Variants in ST6GAL2 observed in about 807,000 individuals in gnomAD.
ST6GAL2 encodes the protein beta-galactoside alpha-2,6-sialyltransferase 2.
In ST6GAL2, 24 loss-of-function variants were observed where a neutral mutation model predicts 37.5. That is an observed-to-expected ratio of 0.64 (90% CI 0.46 to 0.90). The LOEUF (loss-of-function observed/expected upper bound fraction) is 0.90. Among genes scored for constraint, ST6GAL2 ranks in the 40% least tolerant of loss-of-function variants. ST6GAL2 has a pLI of 0.00. For synonymous variants in ST6GAL2, 306 were observed against 295.1 expected, an observed-to-expected ratio of 1.04 and a Z score of -0.38; for missense variants, 715 against 712.7, an observed-to-expected ratio of 1.00 and a Z score of -0.04.
At chr2:106,835,063 G>C (rs922060530) in intron 2 of ST6GAL2, 2 of 152,210 alleles carry the variant, frequency 1.3e-5, no homozygotes, top group Admixed American at 1.3e-4. Flanking sequence ...TTGGGACTAG[G>C]GGATATGTTC....
chr2:106,821,738 T>C (rs185943979), intron 5 of ST6GAL2, among the ~76,000 whole-genome samples: 3 of 152,038 alleles, frequency 2.0e-5, no homozygotes, highest in Non-Finnish European at 4.4e-5. Flanking sequence ...ATATCTTTGA[T>C]GAATATTGAT....
intron 1 of ST6GAL2, among the ~76,000 whole-genome samples, chr2:106,848,879 A>G (rs1227016954): frequency 6.6e-6 from 1 of 152,216 alleles, no homozygotes; most frequent in Non-Finnish European, 1.5e-5. Context: ...AAGACCAAGC[A>G]GCGCCAGAGA....
At chr2:106,830,429 G>A (rs991483140) in intron 4 of ST6GAL2, among the ~76,000 whole-genome samples, 189 bp from the exon 5 acceptor site, 3 of 152,168 alleles carry the variant, frequency 2.0e-5, no homozygotes, top group Admixed American at 6.5e-5. Flanking sequence ...AGACCAGGGC[G>A]CTAGCCCTAG....
intron 5 of ST6GAL2, among the ~76,000 whole-genome samples, chr2:106,823,482 CACACAGAG>C (rs1429487762): frequency 1.0e-4 from 10 of 95,460 alleles, no homozygotes; most frequent in Admixed American, 4.4e-4. Context: ...CACACACACA[CACACAGAG>C]AGAGAGAGAG....
In ST6GAL2 at chr2:106,830,183, T is replaced by G. The variant is rs370374528; in HGVS notation, c.1201A>C (p.Asn401His). ...FTPYIQHRQRNPNQPFYILHP... is the reference protein window; with the variant it reads ...FTPYIQHRQRHPNQPFYILHP... ...AGAATGTAAAATGGCTGATTTGGGT[T>G]TCTCTGACGATGCTGAATATATGGA... The change falls in exon 5 of 6, where the codon AAC becomes CAC. Residue 401 changes from asparagine (N) to histidine (H), a missense_variant. Transcript: ENST00000409382. 27 of 1,613,956 alleles carry G rather than the reference T, an allele frequency of 1.7e-5. No homozygotes were observed. Among genetic ancestry groups the G allele is most frequent in the Non-Finnish European group, 2.1e-5 (25 of 1,180,018 alleles).
intron 5 of ST6GAL2, among the ~76,000 whole-genome samples, chr2:106,823,470 CACACACACACACACACAGAG>C (rs1558682928): frequency 2.8e-5 from 3 of 106,788 alleles, no homozygotes. Context: ...CACACACACA[CACACACACACACACACAGAG>C]AGAGAGAGAG....
chr2:106,843,412 CCCT>C lies in ST6GAL2; in HGVS notation c.563_565del (p.Glu188del). ...GGAGTACAGCCTGTCGCCGTCGTCG[CCCT>C]CCTCCAACACGTGGCTCCTTCTCTG... On this transcript the variant is annotated inframe_deletion, in exon 2 of 6. Coordinates refer to ENST00000409382, the MANE Select transcript of ST6GAL2 (RefSeq NM_001142351.2). 1 of 1,614,130 alleles carries C rather than the reference CCCT, an allele frequency of 6.2e-7. No individual in the cohort carries two copies. The highest frequency in any genetic ancestry group is 8.5e-7 in the Non-Finnish European group (1 of 1,180,012).
chr2:106,823,642 A>T (rs1246388914), intron 5 of ST6GAL2, among the ~76,000 whole-genome samples: 1 of 152,208 alleles, frequency 6.6e-6, no homozygotes, highest in Non-Finnish European at 1.5e-5. Context: ...GCTTTTTGAG[A>T]GGAAGGTGTT....
chr2:106,844,899 T>G (rs1322803918), intron 1 of ST6GAL2, among the ~76,000 whole-genome samples: 2 of 152,174 alleles, frequency 1.3e-5, no homozygotes, highest in Admixed American at 1.3e-4. Context: ...AACTAATATG[T>G]ATTGCTGTGT....
At chr2:106,832,409 C>T (rs1676458003) in intron 4 of ST6GAL2, among the ~76,000 whole-genome samples, 156 bp downstream of exon 4, 1 of 152,220 alleles carries the variant, frequency 6.6e-6, no homozygotes, top group South Asian at 2.1e-4. Flanking sequence ...GCTATTGTAA[C>T]TGGGTATCAA....
chr2:106,878,487 C>G (rs1284626478), intron 1 of ST6GAL2, among the ~76,000 whole-genome samples: 2 of 151,820 alleles, frequency 1.3e-5, no homozygotes, highest in Non-Finnish European at 1.5e-5. Context: ...CCAGGCTGAG[C>G]GTGGTGGCAT....
intron 1 of ST6GAL2, among the ~76,000 whole-genome samples, chr2:106,868,014 C>T (rs1049217649): frequency 6.6e-6 from 1 of 152,130 alleles, no homozygotes; most frequent in Non-Finnish European, 1.5e-5. Context: ...AAACAAAACC[C>T]TATGCCACTT....
intron 1 of ST6GAL2, 29 bp downstream of exon 1, chr2:106,886,064 G>T (rs1046504636): frequency 1.3e-5 from 2 of 152,474 alleles, no homozygotes; most frequent in African/African-American, 2.4e-5. Context: ...GAAAGGCGTC[G>T]CCAACCCTTA....
chr2:106,857,184 G>A lies in ST6GAL2; in HGVS notation c.-57-13150C>T, dbSNP rs182467620. ...TCAAAGAAAATGCCAAGTTGCTAAGGACCTAACATCTTGCTTTTTATGATG... is the reference window on the plus strand; with the variant it reads ...TCAAAGAAAATGCCAAGTTGCTAAGAACCTAACATCTTGCTTTTTATGATG... On this transcript the variant is annotated intron_variant, in intron 1 of 5. Transcript: ENST00000409382. Among the ~76,000 whole-genome samples the A allele has an allele frequency of 3.5e-3, 538 of 152,322 alleles. 4 individuals are homozygous for A. The highest frequency in any genetic ancestry group is 5.8e-3 in the Non-Finnish European group (396 of 68,032).
intron 5 of ST6GAL2, among the ~76,000 whole-genome samples, chr2:106,826,029 C>A (rs1676187884): frequency 6.6e-6 from 1 of 152,138 alleles, no homozygotes; most frequent in African/African-American, 2.4e-5. Flanking sequence ...AATCTCCATA[C>A]AAAGAAATGT....
intron 5 of ST6GAL2, among the ~76,000 whole-genome samples, chr2:106,815,603 G>A (rs868439497): frequency 1.3e-5 from 2 of 152,260 alleles, no homozygotes; most frequent in South Asian, 2.1e-4. Flanking sequence ...CAGATGACAC[G>A]CATTACAATA....
chr2:106,836,508 C>T (rs1676643841), intron 2 of ST6GAL2, among the ~76,000 whole-genome samples: 1 of 151,958 alleles, frequency 6.6e-6, no homozygotes, highest in African/African-American at 2.4e-5. Context: ...TTCACTCACG[C>T]ATAATTGTAT....
At position 106,843,293 on chromosome 2, in the gene ST6GAL2, G is replaced by C. The variant is rs1277277487; in HGVS notation, c.685C>G (p.Leu229Val). Residue 229 changes from leucine to valine, a missense_variant, in exon 2 of 6, where the codon CTG becomes GTG. By Grantham distance (32) the Leu-to-Val change is conservative. This residue lies in a region of ST6GAL2 where 512 missense variants were observed against 488.8 expected (regional missense o/e 1.05). Transcript: ENST00000409382. Reference protein sequence around the residue: ...PRLQKAMKDYLTANKHGVRFR... With the variant: ...PRLQKAMKDYVTANKHGVRFR... ...CGCACCCCGTGCTTGTTGGCGGTCA[G>C]GTAATCCTTCATCGCCTTCTGCAGG... is the stretch of plus-strand genomic sequence containing the variant. 1 of 1,612,664 alleles carries C rather than the reference G, an allele frequency of 6.2e-7. No homozygotes were observed.
chr2:106,836,944 CAAA>C (rs10700905), intron 2 of ST6GAL2, among the ~76,000 whole-genome samples: 4 of 85,708 alleles, frequency 4.7e-5, no homozygotes, highest in Admixed American at 1.4e-4. Context: ...AATTCCATCT[CAAA>C]AAAAAAAAAA....
Sources: allele counts gnomAD v4.1 joint callset (sites outside exome capture counted in the v4.1 genomes callset), GRCh38; gene constraint gnomAD v4.1.1; regional missense constraint gnomAD v4.1.1; transcripts MANE v1.5; gene names NCBI Gene and HGNC (gene_info 2026-07-23, HGNC 2026-07-21).